CCM2: variants seen among roughly 807,000 people sequenced by gnomAD.
CCM2 encodes CCM2 scaffold protein, also known as cerebral cavernous malformations 2 protein.
In CCM2, 25 loss-of-function variants were observed where a neutral mutation model predicts 44.9. The ratio of observed to expected loss-of-function variants is 0.56; its 90% CI spans 0.41 to 0.78. CCM2 has a LOEUF of 0.78. Among genes scored for constraint, CCM2 ranks in the 30% least tolerant of loss-of-function variants. CCM2 has a pLI of 0.00. For synonymous variants in CCM2, 219 were observed against 241.1 expected (o/e 0.91, Z 0.85); for missense variants, 481 against 580.6 (o/e 0.83, Z 1.76).
chr7:45,055,220 G>T (rs986808805), intron 2 of CCM2, among the ~76,000 whole-genome samples: 1 of 152,128 alleles, frequency 6.6e-6, no homozygotes, highest in Non-Finnish European at 1.5e-5. Flanking sequence ...TAATTCCGGG[G>T]TACTTTTGTT....
intron 2 of CCM2, among the ~76,000 whole-genome samples, chr7:45,044,812 ATTC>A (rs1413789337): frequency 6.6e-6 from 1 of 152,172 alleles, no homozygotes; most frequent in Non-Finnish European, 1.5e-5. Context: ...TGTTACAGTG[ATTC>A]TTATTTTCCT....
chr7:45,074,557 G>A (rs980043440), intron 9 of CCM2, 149 bp downstream of exon 9: 1 of 734,356 alleles, frequency 1.4e-6, no homozygotes, highest in Non-Finnish European at 2.4e-6. Context: ...CATGAGAGCA[G>A]AGTCCAGAGA....
intron 4 of CCM2, among the ~76,000 whole-genome samples, chr7:45,065,425 C>G (rs1190322234): frequency 6.6e-6 from 1 of 152,216 alleles, no homozygotes; most frequent in Non-Finnish European, 1.5e-5. Flanking sequence ...ATCCCAAAGC[C>G]TTTCATTTCC....
chr7:45,001,958 C>T (rs540686925), intron 1 of CCM2, among the ~76,000 whole-genome samples: 1 of 152,200 alleles, frequency 6.6e-6, no homozygotes, highest in African/African-American at 2.4e-5. Context: ...TTTCTGTATT[C>T]TGCCACTTGT....
chr7:45,038,376 C>T lies in CCM2; in HGVS notation c.154C>T (p.Arg52Cys), dbSNP rs781634033. The part of the protein sequence containing the change: ...LHTVVLSLPE[R>C]VEPDRLLSDY... ...CACTGTGGTGTTGTCATTGCCTGAG[C>T]GCGTCGAGCCAGACAGACTGCTGAG... is the stretch of plus-strand genomic sequence containing the variant. Residue 52 changes from arginine (R) to cysteine (C), a missense_variant, in exon 2 of 10, where the codon CGC becomes TGC. Transcript: ENST00000258781. 9.9e-6 allele frequency: 16 copies of T among 1,614,058 alleles called. No homozygotes were observed. The highest frequency in any genetic ancestry group is 6.6e-5 in the South Asian group (6 of 91,074).
chr7:45,003,324 C>T (rs1051574262), intron 1 of CCM2, among the ~76,000 whole-genome samples: 1 of 152,098 alleles, frequency 6.6e-6, no homozygotes, highest in African/African-American at 2.4e-5. Flanking sequence ...GATCCACCCA[C>T]CTTGGCCTCC....
chr7:45,075,708 G>C, intron 9 of CCM2, 69 bp from the exon 10 acceptor site: 1 of 1,603,784 alleles, frequency 6.2e-7, no homozygotes, highest in Non-Finnish European at 8.5e-7. Flanking sequence ...GGGGCTTTGA[G>C]CCCTGAGAGA....
intron 5 of CCM2, 42 bp downstream of exon 5, chr7:45,068,621 C>T (rs975731234): frequency 6.2e-7 from 1 of 1,611,844 alleles, no homozygotes; most frequent in Non-Finnish European, 8.5e-7. Flanking sequence ...TGGCTCCTCC[C>T]AGACCCTGCT....
At chr7:45,050,740 C>T (rs529414919) in intron 2 of CCM2, among the ~76,000 whole-genome samples, 85 of 152,178 alleles carry the variant, frequency 5.6e-4, no homozygotes, top group African/African-American at 1.9e-3. Flanking sequence ...CTCAGTGTGT[C>T]GGGTAAGTTA....
intron 1 of CCM2, among the ~76,000 whole-genome samples, chr7:45,024,643 T>A (rs1458457141): frequency 6.6e-6 from 1 of 152,218 alleles, no homozygotes; most frequent in African/African-American, 2.4e-5. Flanking sequence ...TTTTGCACCT[T>A]GATTGACAGT....
intron 1 of CCM2, among the ~76,000 whole-genome samples, chr7:45,022,919 T>G (rs1796537823): frequency 6.6e-6 from 1 of 151,916 alleles, no homozygotes; most frequent in Admixed American, 6.6e-5. Context: ...TTTTATATTT[T>G]TAGTAGAGAC....
rs1347948672 is a variant in CCM2, at chr7:45,063,930, T to G, written c.217T>G (p.Leu73Val). ...CACTTTCTTTCAGTATTTAGGTCAGTTAACGTCCATACCAGGATACCTGAA... is the reference window on the plus strand; with the variant it reads ...CACTTTCTTTCAGTATTTAGGTCAGGTAACGTCCATACCAGGATACCTGAA... ...IEKEVKYLGQ[L>V]TSIPGYLNPS... Residue 73 changes from leucine to valine, a missense_variant, in exon 3 of 10, where the codon TTA (leucine) becomes GTA (valine). By Grantham distance (32) the Leu-to-Val change is conservative (BLOSUM62 1). Coordinates refer to ENST00000258781, the MANE Select transcript of CCM2 (RefSeq NM_031443.4). 2 of 1,611,856 alleles carry G rather than the reference T, an allele frequency of 1.2e-6. No individual in the cohort carries two copies. The highest frequency in any genetic ancestry group is 1.7e-6 in the Non-Finnish European group (2 of 1,178,034).
chr7:45,040,061 T>C (rs962130234), intron 2 of CCM2, among the ~76,000 whole-genome samples: 4 of 151,574 alleles, frequency 2.6e-5, no homozygotes, highest in Non-Finnish European at 5.9e-5. Context: ...ATGTTATTTA[T>C]ATATCTTTAA....
At chr7:45,033,209 A>G (rs1456426662) in intron 1 of CCM2, among the ~76,000 whole-genome samples, 1 of 152,162 alleles carries the variant, frequency 6.6e-6, no homozygotes, top group African/African-American at 2.4e-5. Flanking sequence ...CTCACTGCCT[A>G]ACTGCAGAGG....
At chr7:45,074,432 TG>T in intron 9 of CCM2, 24 bp downstream of exon 9, 1 of 1,603,114 alleles carries the variant, frequency 6.2e-7, no homozygotes, top group Non-Finnish European at 8.5e-7. Context: ...GGAAAGAGGG[TG>T]GCTTGTCCAA....
chr7:45,022,445 T>A (rs1231500879), intron 1 of CCM2, among the ~76,000 whole-genome samples: 2 of 151,374 alleles, frequency 1.3e-5, no homozygotes, highest in African/African-American at 4.9e-5. Flanking sequence ...TAGCTGGGAC[T>A]ACAGGCGCCC....
intron 1 of CCM2, among the ~76,000 whole-genome samples, chr7:45,026,245 T>G (rs185508332): frequency 6.6e-6 from 1 of 152,330 alleles, no homozygotes; most frequent in African/African-American, 2.4e-5. Flanking sequence ...ATTGTGACTC[T>G]ACTCTGGTTT....
At chr7:45,049,643 A>G (rs1797911487) in intron 2 of CCM2, among the ~76,000 whole-genome samples, 2 of 152,344 alleles carry the variant, frequency 1.3e-5, no homozygotes, top group South Asian at 4.1e-4. Context: ...ACTGTTATGT[A>G]TGTTTTACTG....
chr7:45,014,760 C>G (rs566927833), intron 1 of CCM2, among the ~76,000 whole-genome samples: 1 of 151,588 alleles, frequency 6.6e-6, no homozygotes, highest in East Asian at 1.9e-4. Flanking sequence ...TAGCTGGGAT[C>G]ACAGGCGTGC....
Sources: gnomAD v4.1 joint callset for allele counts (sites outside exome capture counted in the v4.1 genomes callset) on GRCh38, gnomAD v4.1.1 for gene constraint, MANE v1.5 for transcripts, NCBI Gene and HGNC (gene_info 2026-07-23, HGNC 2026-07-21) for gene names.